PRKCA: variants seen among roughly 807,000 people sequenced by gnomAD.
The protein encoded by PRKCA is protein kinase C alpha.
In PRKCA, 27 loss-of-function variants were observed where a neutral mutation model predicts 87.0. That is an observed-to-expected ratio of 0.31 (90% confidence interval 0.23 to 0.43). The LOEUF (loss-of-function observed/expected upper bound fraction) is 0.43, where lower values mean the gene tolerates loss of function less well. Ranked by LOEUF, PRKCA falls within the 20% of genes least tolerant of loss-of-function variation. The pLI is 1.00. For missense variants in PRKCA, 518 were observed against 852.3 expected (o/e 0.61, Z 4.88); for synonymous variants, 329 against 311.1 (o/e 1.06, Z -0.61).
intron 2 of PRKCA, among the ~76,000 whole-genome samples, chr17:66,491,236 C>T (rs1916232265): frequency 6.6e-6 from 1 of 152,190 alleles, no homozygotes; most frequent in African/African-American, 2.4e-5. Flanking sequence ...TGAAGATTTA[C>T]TTTGTGACTG....
intron 2 of PRKCA, among the ~76,000 whole-genome samples, chr17:66,451,983 G>A (rs536107701): frequency 4.6e-5 from 7 of 152,272 alleles, no homozygotes; most frequent in African/African-American, 1.2e-4. Context: ...GGACACCGCC[G>A]GGAGGTAAAT....
At chr17:66,505,076 A>G (rs981173091) in intron 3 of PRKCA, among the ~76,000 whole-genome samples, 3 of 152,218 alleles carry the variant, frequency 2.0e-5, no homozygotes, top group Non-Finnish European at 4.4e-5. Context: ...TCGGGGAAAC[A>G]CACCCAACAA....
At chr17:66,717,166 C>A (rs938725128) in intron 8 of PRKCA, among the ~76,000 whole-genome samples, 1 of 152,184 alleles carries the variant, frequency 6.6e-6, no homozygotes, top group Non-Finnish European at 1.5e-5. Context: ...ATTTGAGAAC[C>A]TGCGTGATAC....
chr17:66,563,283 TATC>T (rs1396267806), intron 3 of PRKCA, among the ~76,000 whole-genome samples: 1 of 152,158 alleles, frequency 6.6e-6, no homozygotes. Flanking sequence ...ACCTTTATAG[TATC>T]ATACAGAGGA....
chr17:66,705,755 G>C (rs548125055), intron 8 of PRKCA, among the ~76,000 whole-genome samples: 3 of 152,262 alleles, frequency 2.0e-5, no homozygotes, highest in Admixed American at 1.3e-4. Flanking sequence ...AGACAGAGCC[G>C]ATGTCCACTG....
At chr17:66,339,461 G>C (rs1026231752) in intron 2 of PRKCA, among the ~76,000 whole-genome samples, 1 of 152,016 alleles carries the variant, frequency 6.6e-6, no homozygotes, top group South Asian at 2.1e-4. Context: ...CCACTCTGAA[G>C]CTAACTTAGG....
chr17:66,616,978 G>A (rs1029332606), intron 3 of PRKCA, among the ~76,000 whole-genome samples: 1 of 152,128 alleles, frequency 6.6e-6, no homozygotes, highest in East Asian at 1.9e-4. Flanking sequence ...GGGACATAGG[G>A]CTGAACAGTT....
intron 2 of PRKCA, among the ~76,000 whole-genome samples, chr17:66,347,320 G>A (rs1368608027): frequency 6.6e-6 from 1 of 152,122 alleles, no homozygotes; most frequent in Non-Finnish European, 1.5e-5. Flanking sequence ...GCTTCAATCT[G>A]TTGTGATATG....
intron 3 of PRKCA, among the ~76,000 whole-genome samples, chr17:66,588,128 A>G (rs1969679532): frequency 6.6e-6 from 1 of 151,910 alleles, no homozygotes; most frequent in South Asian, 2.1e-4. Context: ...TCTTACCAAT[A>G]AATGCTTTTA....
At chr17:66,495,143 A>G (rs1916416200) in intron 2 of PRKCA, among the ~76,000 whole-genome samples, 1 of 151,882 alleles carries the variant, frequency 6.6e-6, no homozygotes, top group Non-Finnish European at 1.5e-5. Context: ...TTTCTATAAC[A>G]GTTATTTTGT....
intron 13 of PRKCA, among the ~76,000 whole-genome samples, chr17:66,767,638 A>T (rs564563961): frequency 6.6e-6 from 1 of 152,320 alleles, no homozygotes; most frequent in African/African-American, 2.4e-5. Context: ...CTTACTGCTC[A>T]CACACAGTCT....
intron 2 of PRKCA, among the ~76,000 whole-genome samples, chr17:66,472,279 A>G (rs1033838362): frequency 9.2e-5 from 14 of 152,138 alleles, no homozygotes; most frequent in African/African-American, 3.4e-4. Context: ...CTCCATGGAG[A>G]CCAAGAAGAG....
intron 2 of PRKCA, among the ~76,000 whole-genome samples, chr17:66,429,557 G>A (rs1912995140): frequency 6.6e-6 from 1 of 152,064 alleles, no homozygotes; most frequent in Non-Finnish European, 1.5e-5. Context: ...ATTAGGGCTG[G>A]GAAGAGATTT....
At chr17:66,630,324 A>G (rs1252681929) in intron 3 of PRKCA, among the ~76,000 whole-genome samples, 1 of 152,236 alleles carries the variant, frequency 6.6e-6, no homozygotes, top group Non-Finnish European at 1.5e-5. Context: ...CTAGAGAAAG[A>G]CATACAGGAA....
chr17:66,510,981 C>A (rs228876), intron 3 of PRKCA, among the ~76,000 whole-genome samples: 101,781 of 151,938 alleles, frequency 0.67, 34,331 homozygotes, highest in Middle Eastern at 0.76. Flanking sequence ...TCCGGTACTC[C>A]GGTGATCTGC....
At chr17:66,380,291 T>TA (rs1024208630) in intron 2 of PRKCA, among the ~76,000 whole-genome samples, 9 of 152,016 alleles carry the variant, frequency 5.9e-5, no homozygotes, top group African/African-American at 2.2e-4. Context: ...CATACATACA[T>TA]ATGTTCGGAT....
At chr17:66,341,472 G>A (rs1693693657) in intron 2 of PRKCA, among the ~76,000 whole-genome samples, 1 of 152,132 alleles carries the variant, frequency 6.6e-6, no homozygotes, top group Admixed American at 6.6e-5. Flanking sequence ...CTGAAATCTG[G>A]GTGCCAGTAA....
At chr17:66,430,289 G>T (rs1432528587) in intron 2 of PRKCA, among the ~76,000 whole-genome samples, 1 of 151,940 alleles carries the variant, frequency 6.6e-6, no homozygotes, top group Non-Finnish European at 1.5e-5. Flanking sequence ...GCAGAGTGTG[G>T]TGCCCATCCG....
chr17:66,630,796 C>CAGT (rs1970989808), intron 3 of PRKCA, among the ~76,000 whole-genome samples: 1 of 152,194 alleles, frequency 6.6e-6, no homozygotes, highest in Non-Finnish European at 1.5e-5. Context: ...CTCAAACCTA[C>CAGT]AAGCTTTCAA....
Sources: allele counts gnomAD v4.1 joint callset (sites outside exome capture counted in the v4.1 genomes callset), GRCh38; gene constraint gnomAD v4.1.1; transcripts MANE v1.5; gene names NCBI Gene and HGNC (gene_info 2026-07-23, HGNC 2026-07-21).